Variants in FOXP2 observed in about 807,000 individuals in gnomAD.
FOXP2 encodes the protein forkhead box protein P2.
In FOXP2, 12 loss-of-function variants were observed where a neutral mutation model predicts 115.8. The observed-to-expected ratio is 0.10, with a 90% CI of 0.07 to 0.17. The LOEUF is 0.17. FOXP2 is among the 10% of genes least tolerant of loss of function. The pLI, the probability that FOXP2 is intolerant of heterozygous loss-of-function variation, is 1.00. For synonymous variants in FOXP2, 328 were observed against 297.7 expected, an observed-to-expected ratio of 1.10 and a Z score of -1.05; for missense variants, 629 against 843.5, an observed-to-expected ratio of 0.75 and a Z score of 3.15.
At chr7:114,158,628 A>G (rs955042237), upstream of FOXP2, among the ~76,000 whole-genome samples, 1 of 151,934 alleles carries the variant, frequency 6.6e-6, no homozygotes, top group African/African-American at 2.4e-5. Context: ...TAGGTATTTT[A>G]TTTTGTGACC....
At chr7:114,086,529 C>T (rs1799422047), upstream of FOXP2, 1 of 397,710 alleles carries the variant, frequency 2.5e-6, no homozygotes, top group African/African-American at 2.2e-5. Context: ...CGGACTCGCG[C>T]GTGGGTGTGT....
intron 2 of FOXP2, among the ~76,000 whole-genome samples, chr7:114,365,420 T>C (rs1366510984): frequency 2.0e-5 from 3 of 152,124 alleles, no homozygotes; most frequent in African/African-American, 7.2e-5. Context: ...TTTGAACCTA[T>C]TCATGATTTT....
At chr7:114,539,949 A>G (rs925636707) in intron 3 of FOXP2, among the ~76,000 whole-genome samples, 1 of 152,066 alleles carries the variant, frequency 6.6e-6, no homozygotes, top group Non-Finnish European at 1.5e-5. Flanking sequence ...CATCCCTAAA[A>G]TAGGAATAAA....
At chr7:114,132,986 A>G (rs1791931905) in intron 1 of FOXP2, among the ~76,000 whole-genome samples, 1 of 152,198 alleles carries the variant, frequency 6.6e-6, no homozygotes, top group African/African-American at 2.4e-5. Context: ...CACCAGAGGT[A>G]GGGATGAAGG....
Position 114,691,379 on chromosome 7 carries a change from A to T in FOXP2, c.*1453A>T. ...AGTTTTTACACTGAAAGCAAAGATTATAGCAATTGTAGTCCATGGTATTTA... is the reference window on the plus strand; with the variant it reads ...AGTTTTTACACTGAAAGCAAAGATTTTAGCAATTGTAGTCCATGGTATTTA... On this transcript the variant is annotated 3_prime_UTR_variant, in exon 17 of 17. Transcript: ENST00000350908. 2.2e-6 allele frequency: 1 copy of T among 454,050 alleles called. No homozygotes were observed. Among genetic ancestry groups the T allele is most frequent in the Non-Finnish European group, 4.4e-6 (1 of 226,758 alleles). The allele number at this position is 454,050 out of a possible 1,614,324, so 28.1% of individuals were successfully genotyped here. A position where few individuals can be genotyped will look rare whatever the true frequency, so the allele number is the denominator to read the frequency against.
At chr7:114,452,402 T>C (rs1258843158) in intron 2 of FOXP2, among the ~76,000 whole-genome samples, 1 of 152,062 alleles carries the variant, frequency 6.6e-6, no homozygotes, top group African/African-American at 2.4e-5. Context: ...ATATTGTGTG[T>C]TCTGACTCCA....
intron 3 of FOXP2, among the ~76,000 whole-genome samples, chr7:114,547,750 C>T (rs879218325): frequency 6.6e-5 from 10 of 151,280 alleles, no homozygotes; most frequent in Admixed American, 3.3e-4. Context: ...CAGAGCGAGA[C>T]GTCGTCTCAA....
At position 114,455,193 on chromosome 7, in the gene FOXP2, C is replaced by T. The variant is rs542223518; in HGVS notation, c.168+28514C>T. 3.3e-5 allele frequency among the ~76,000 whole-genome samples: 5 copies of T among 152,216 alleles called. No homozygotes were observed. In the South Asian group the frequency reaches 1.0e-3, roughly 32 times the overall value. ...CCTTAAGAATTTTAAGCTATCTGAA[C>T]CCCAAACTGCATTTAAAACTTTTCC... On this transcript the variant is annotated intron_variant, in intron 2 of 16. Coordinates refer to ENST00000350908, the MANE Select transcript of FOXP2 (RefSeq NM_014491.4).
intron 1 of FOXP2, among the ~76,000 whole-genome samples, chr7:114,120,381 GGC>G (rs1791526570): frequency 6.6e-6 from 1 of 152,082 alleles, no homozygotes; most frequent in Non-Finnish European, 1.5e-5. Flanking sequence ...TTAGAGCACT[GGC>G]ATTTATCTTA....
rs138190561 is a variant in FOXP2 at position 114,517,216 on chromosome 7, G to A, written c.169-17401G>A. ...AAACTACTTGTTTTCTTATTATTGA[G>A]TTGTTTGAAGTTCTCATATATGTTG... On this transcript the variant is annotated intron_variant, in intron 2 of 16. Coordinates refer to ENST00000350908, the MANE Select transcript of FOXP2 (RefSeq NM_014491.4). Among the ~76,000 whole-genome samples, 58 of 151,936 alleles carry A rather than the reference G, an allele frequency of 3.8e-4. No homozygotes were observed. In the East Asian group the frequency reaches 0.01, roughly 27 times the overall value.
intron 2 of FOXP2, among the ~76,000 whole-genome samples, chr7:114,496,966 G>A (rs941400713): frequency 6.6e-6 from 1 of 152,080 alleles, no homozygotes; most frequent in Non-Finnish European, 1.5e-5. Context: ...AGTTACACAT[G>A]TTCATATGTA....
chr7:114,401,540 T>C (rs1416003059), intron 2 of FOXP2, among the ~76,000 whole-genome samples: 2 of 152,210 alleles, frequency 1.3e-5, no homozygotes, highest in Non-Finnish European at 2.9e-5. Context: ...GGGTCGGCAT[T>C]ATCAATCACG....
chr7:114,557,387 T>A (rs57567301), intron 3 of FOXP2, among the ~76,000 whole-genome samples: 2 of 152,058 alleles, frequency 1.3e-5, no homozygotes, highest in Non-Finnish European at 2.9e-5. Flanking sequence ...TTCCATTAGA[T>A]GTAGTCTGAA....
chr7:114,462,607 G>A (rs1157649970), intron 2 of FOXP2, among the ~76,000 whole-genome samples: 1 of 152,088 alleles, frequency 6.6e-6, no homozygotes, highest in South Asian at 2.1e-4. Context: ...TCTTAACCTG[G>A]TGATCCGCCC....
chr7:114,257,477 G>A (rs1337518556), intron 1 of FOXP2, among the ~76,000 whole-genome samples: 1 of 127,206 alleles, frequency 7.9e-6, no homozygotes, highest in Non-Finnish European at 1.6e-5. Context: ...TTTTTGAGAT[G>A]GAGTCTTGCT....
chr7:114,169,045 T>C (rs1207379985), intron 1 of FOXP2, among the ~76,000 whole-genome samples: 1 of 152,228 alleles, frequency 6.6e-6, no homozygotes, highest in Non-Finnish European at 1.5e-5. Context: ...TGGAAATACC[T>C]GCAAAGGCAG....
intron 2 of FOXP2, among the ~76,000 whole-genome samples, chr7:114,374,722 C>T (rs1792099505): frequency 6.6e-6 from 1 of 152,182 alleles, no homozygotes; most frequent in African/African-American, 2.4e-5. Context: ...TTGAAGGGAT[C>T]TTGACTTATC....
intron 16 of FOXP2, chr7:114,666,345 A>T (rs1354553491): frequency 1.3e-5 from 2 of 152,118 alleles, no homozygotes; most frequent in Admixed American, 1.3e-4. Flanking sequence ...GTCAATATTC[A>T]TTCTTAAATC....
At chr7:114,513,931 T>C (rs758170978) in intron 2 of FOXP2, among the ~76,000 whole-genome samples, 9 of 152,136 alleles carry the variant, frequency 5.9e-5, no homozygotes, top group Non-Finnish European at 1.0e-4. Context: ...TGCTAAGACG[T>C]ATTTCAAATG....
Sources: gnomAD v4.1 joint callset for allele counts (sites outside exome capture counted in the v4.1 genomes callset) on GRCh38, gnomAD v4.1.1 for gene constraint, MANE v1.5 for transcripts, NCBI Gene and HGNC (gene_info 2026-07-23, HGNC 2026-07-21) for gene names.